The following PCNX3 variants were observed in gnomAD, a reference collection of about 807,000 sequenced individuals.
PCNX3 encodes the protein pecanex 3.
In PCNX3, 58 loss-of-function variants were observed where a neutral mutation model predicts 207.2. The observed-to-expected ratio is 0.28, with a 90% CI of 0.23 to 0.35. PCNX3 has a LOEUF of 0.35. Ranked by LOEUF, PCNX3 falls within the 10% of genes least tolerant of loss-of-function variation. PCNX3 has a pLI of 1.00. For missense variants in PCNX3, 2,410 were observed against 2,774.4 expected, an observed-to-expected ratio of 0.87 and a Z score of 2.95; for synonymous variants, 1,337 against 1,183.5, an observed-to-expected ratio of 1.13 and a Z score of -2.66.
chr11:65,625,986 A>G lies in PCNX3; in HGVS notation c.3311A>G (p.Gln1104Arg), dbSNP rs1273080237. 1 of 1,613,846 alleles carries G rather than the reference A, an allele frequency of 6.2e-7. No homozygotes were observed. Among genetic ancestry groups the G allele is most frequent in the Non-Finnish European group, 8.5e-7 (1 of 1,179,854 alleles). Residue 1104 changes from glutamine to arginine, a missense_variant, in exon 20 of 35, where the codon CAG becomes CGG. Gln to Arg is a conservative substitution (Grantham distance 43). Coordinates refer to ENST00000355703, the MANE Select transcript of PCNX3 (RefSeq NM_032223.4). The surrounding 1 kb of genome is among the most constrained non-coding windows in gnomAD (Gnocchi z 5.6). ...THYLLPQLRK[Q>R]LPWFCLSQPV... ...TACCTGCTGCCACAACTCCGCAAAC[A>G]GCTGCCCTGGTTCTGCCTGTCACAG... is the stretch of plus-strand genomic sequence containing the variant.
At chr11:65,627,346 A>C (rs1590891824) in intron 21 of PCNX3, 59 bp from the exon 22 acceptor site, 5 of 1,541,442 alleles carry the variant, frequency 3.2e-6, no homozygotes, top group Non-Finnish European at 4.4e-6. Context: ...GGGATGGGAC[A>C]CCTATACCCA....
intron 10 of PCNX3, 182 bp from the exon 11 acceptor site, chr11:65,622,063 G>A (rs1428220610): frequency 1.4e-6 from 1 of 716,062 alleles, no homozygotes; most frequent in Non-Finnish European, 1.7e-6. Flanking sequence ...TCAGATGAAG[G>A]GTTCTGGTGG....
chr11:65,636,026 T>C, intron 32 of PCNX3, 148 bp from the exon 33 acceptor site: 1 of 1,323,318 alleles, frequency 7.6e-7, no homozygotes, highest in Non-Finnish European at 1.0e-6. Context: ...CAAAAGACTC[T>C]GCAAAGTAGG....
chr11:65,635,582 G>A lies in PCNX3; in HGVS notation c.5238G>A (p.Val1746=). ...GLWAGQQQEL[V]FLRNRNPERG... ...GGGCCGGGCAGCAGCAGGAGCTGGT[G>A]TTCCTGCGCAACCGCAACCCCGAGC... The change falls in exon 32 of 35, where the codon GTG becomes GTA. Residue 1746 remains valine (V), a synonymous_variant. Coordinates refer to ENST00000355703, the MANE Select transcript of PCNX3 (RefSeq NM_032223.4). The surrounding 1 kb of genome is among the most constrained non-coding windows in gnomAD (Gnocchi z 9.9). 6.2e-7 allele frequency: 1 copy of A among 1,612,666 alleles called. No individual in the cohort carries two copies. The highest frequency in any genetic ancestry group is 8.5e-7 in the Non-Finnish European group (1 of 1,179,760).
chr11:65,618,472 G>A lies in PCNX3; in HGVS notation c.1110G>A (p.Thr370=), dbSNP rs149127592. The A allele has an allele frequency of 1.1e-4, 171 of 1,608,680 alleles. No individual in the cohort carries two copies. The East Asian group carries it at 2.1e-3, about 20-fold the overall frequency. Reference sequence around the variant, plus strand: ...TTGACACGGTCATTGGAGCAGGGACGCCACCGGGCCTGGCTGAGCCGCTCC... The same window carrying A: ...TTGACACGGTCATTGGAGCAGGGACACCACCGGGCCTGGCTGAGCCGCTCC... ...RSFDTVIGAG[T]PPGLAEPLLV... is the part of the protein sequence containing the mutation. Residue 370 remains threonine, a synonymous_variant, in exon 6 of 35, where the codon ACG becomes ACA. Transcript: ENST00000355703.
In PCNX3 at chr11:65,625,055, G is replaced by A. The variant is rs770973028; in HGVS notation, c.2919+39G>A. On this transcript the variant is annotated intron_variant, in intron 16 of 34. Transcript: ENST00000355703. The surrounding 1 kb of genome is among the most constrained non-coding windows in gnomAD (Gnocchi z 5.6). The stretch of plus-strand genomic sequence containing the variant: ...GCGAGGTGGGGGCATGCTGCAGTGC[G>A]TAAGGGTGGTTGGGGCGGGGCTGTG... 4.4e-6 allele frequency: 7 copies of A among 1,590,932 alleles called. No individual in the cohort carries two copies. The highest frequency in any genetic ancestry group is 2.2e-5 in the East Asian group (1 of 44,448).
rs774756295 is a variant in PCNX3, at chr11:65,618,136, G to A, written c.774G>A (p.Gln258=). Residue 258 remains glutamine, a synonymous_variant, in exon 6 of 35, where the codon CAG becomes CAA. Transcript: ENST00000355703. ...ELSKSFLTLT[Q]PDRALVRTSS... is the part of the protein sequence containing the mutation. ...GCAAGAGCTTCCTGACCCTGACCCA[G>A]CCTGACCGGGCCCTGGTGAGGACCA... 415 of 1,610,344 alleles carry A rather than the reference G, an allele frequency of 2.6e-4. No individual in the cohort carries two copies. Among genetic ancestry groups the A allele is most frequent in the Non-Finnish European group, 3.4e-4 (403 of 1,178,432 alleles).
In PCNX3 at chr11:65,635,194, C is replaced by T. The variant is rs1242450929; in HGVS notation, c.4954-24C>T. 2 of 1,594,852 alleles carry T rather than the reference C, an allele frequency of 1.3e-6. No homozygotes were observed. Among genetic ancestry groups the T allele is most frequent in the Non-Finnish European group, 1.7e-6 (2 of 1,169,818 alleles). On this transcript the variant is annotated intron_variant, in intron 30 of 34. Transcript: ENST00000355703. The surrounding 1 kb of genome is among the most constrained non-coding windows in gnomAD (Gnocchi z 9.9). ...TCTCTCCAGGGCAGGGGCCACTGAC[C>T]CCTGTTCCCGTCTTCTCTACCAGGA...
Position 65,617,491 on chromosome 11 carries a change from G to C in PCNX3, c.463G>C (p.Asp155His), listed in dbSNP as rs1186064262. 6.2e-7 allele frequency: 1 copy of C among 1,613,956 alleles called. No homozygotes were observed. Among genetic ancestry groups the C allele is most frequent in the Non-Finnish European group, 8.5e-7 (1 of 1,179,872 alleles). The change falls in exon 4 of 35, where the codon GAC becomes CAC. Residue 155 changes from aspartate (D) to histidine (H), a missense_variant. Around this residue, in one of 8 missense-constraint regions of PCNX3, gnomAD observed 1,104 missense variants for 970.3 expected, o/e 1.14. Transcript: ENST00000355703. ...QVSELLPRMEDSGPLRDIKEL... is the reference protein window; with the variant it reads ...QVSELLPRMEHSGPLRDIKEL... ...TCAGGAGCTGCTGCCCCGAATGGAG[G>C]ACTCTGGGCCCCTTAGAGGTAGGTG...
At chr11:65,619,110 A>G (rs1233289683) in intron 6 of PCNX3, 43 bp downstream of exon 6, 5 of 1,503,810 alleles carry the variant, frequency 3.3e-6, no homozygotes, top group Non-Finnish European at 4.5e-6. Flanking sequence ...GACGTGAGCT[A>G]CGGGCTTGGG....
At chr11:65,616,527 A>G (rs1854737996) in intron 1 of PCNX3, 63 bp downstream of exon 1, 1 of 1,525,576 alleles carries the variant, frequency 6.6e-7, no homozygotes, top group Non-Finnish European at 8.9e-7. Context: ...GCAGGGATTC[A>G]GGGCAGTGCC....
At position 65,627,389 on chromosome 11, in the gene PCNX3, T is replaced by A. The variant is rs752912051; in HGVS notation, c.3525-16T>A. ...GGTCCCCTACCAAGCACCCGATGCCTGCCCCTTGCCCACAGCTGCCGGGCG... is the reference window on the plus strand; with the variant it reads ...GGTCCCCTACCAAGCACCCGATGCCAGCCCCTTGCCCACAGCTGCCGGGCG... On this transcript the variant is annotated splice_polypyrimidine_tract_variant and intron_variant, in intron 21 of 34. Transcript: ENST00000355703. 4 of 1,604,446 alleles carry A rather than the reference T, an allele frequency of 2.5e-6. No individual in the cohort carries two copies. Among genetic ancestry groups the A allele is most frequent in the African/African-American group, 1.3e-5 (1 of 75,038 alleles).
At chr11:65,634,881 G>A (rs960699102) in intron 29 of PCNX3, 92 bp from the exon 30 acceptor site, 8 of 1,473,200 alleles carry the variant, frequency 5.4e-6, no homozygotes, top group East Asian at 2.3e-5. Context: ...GAGGCTCAGC[G>A]TGAGGAAAGG....
intron 11 of PCNX3, among the ~76,000 whole-genome samples, chr11:65,622,975 AC>A (rs1184260787): frequency 6.6e-6 from 1 of 151,524 alleles, no homozygotes; most frequent in Admixed American, 6.6e-5. Context: ...AAGCTCACAG[AC>A]CAGTTATCTC....
Position 65,624,550 on chromosome 11 carries a change from G to A in PCNX3, c.2796G>A (p.Glu932=), listed in dbSNP as rs1172743906. The A allele has an allele frequency of 1.9e-6, 3 of 1,608,292 alleles. No homozygotes were observed. The highest frequency in any genetic ancestry group is 2.5e-6 in the Non-Finnish European group (3 of 1,177,338). ...ACACCTGCCTCATGTACCTGCTGGA[G>A]CAAATAGATATGCACGGCTTCGGGG... The part of the protein sequence containing the change: ...QVNTCLMYLL[E]QIDMHGFGGT... Residue 932 remains glutamate (E), a synonymous_variant, in exon 15 of 35, where the codon GAG becomes GAA. Coordinates refer to ENST00000355703, the MANE Select transcript of PCNX3 (RefSeq NM_032223.4).
chr11:65,616,760 T>C, intron 1 of PCNX3, 64 bp from the exon 2 acceptor site: 1 of 1,526,198 alleles, frequency 6.6e-7, no homozygotes. Flanking sequence ...ATGATGTTGA[T>C]GGCAGGTACA....
In PCNX3 at chr11:65,619,630, C is replaced by T. The variant is rs1191457272; in HGVS notation, c.1799C>T (p.Pro600Leu). The T allele has an allele frequency of 3.1e-6, 5 of 1,602,330 alleles. No homozygotes were observed. Among genetic ancestry groups the T allele is most frequent in the Non-Finnish European group, 3.4e-6 (4 of 1,178,398 alleles). Residue 600 changes from proline (P) to leucine (L), a missense_variant, in exon 7 of 35, where the codon CCT becomes CTT. This residue lies in a region of PCNX3 where 1,104 missense variants were observed against 970.3 expected (regional missense o/e 1.14). Transcript: ENST00000355703. ...RRHNAGSNPT[P>L]PASVMGSPPS... ...CACAATGCAGGCAGCAACCCCACCC[C>T]TCCAGCCTCTGTCATGGGCTCGCCG...
intron 34 of PCNX3, 34 bp downstream of exon 34, chr11:65,636,723 G>GGC: frequency 6.4e-7 from 1 of 1,553,930 alleles, no homozygotes; most frequent in Non-Finnish European, 8.7e-7. Flanking sequence ...GGTCCCAGAA[G>GGC]GCTAAGGCCT....
chr11:65,620,823 T>C lies in PCNX3; in HGVS notation c.2100-8T>C, dbSNP rs756290135. The C allele has an allele frequency of 4.4e-6, 7 of 1,594,884 alleles. No individual in the cohort carries two copies. Among genetic ancestry groups the C allele is most frequent in the Non-Finnish European group, 6.0e-6 (7 of 1,171,856 alleles). On this transcript the variant is annotated splice_region_variant and splice_polypyrimidine_tract_variant and intron_variant, in intron 9 of 34. Transcript: ENST00000355703. ...GTGGGGGGATCCTGATGGCTGCTGT[T>C]CTCACAGGGACCGACACTCGCATTC...
Sources: gnomAD v4.1 joint callset for allele counts (sites outside exome capture counted in the v4.1 genomes callset) on GRCh38, gnomAD v4.1.1 for gene constraint, gnomAD v4.1.1 regional missense constraint, Gnocchi (gnomAD v3.1) non-coding constraint, MANE v1.5 for transcripts, NCBI Gene and HGNC (gene_info 2026-07-23, HGNC 2026-07-21) for gene names.